Variants in RFTN1 observed in about 807,000 individuals in gnomAD.
The protein encoded by RFTN1 is raftlin, lipid raft linker 1.
In RFTN1, 26 loss-of-function variants were observed where a neutral mutation model predicts 46.5. That is an observed-to-expected ratio of 0.56 (90% confidence interval 0.41 to 0.78). The LOEUF (loss-of-function observed/expected upper bound fraction) is 0.78, where lower values mean the gene tolerates loss of function less well. Among genes scored for constraint, RFTN1 ranks in the 30% least tolerant of loss-of-function variants. The pLI, the probability that RFTN1 is intolerant of heterozygous loss-of-function variation, is 0.00. For synonymous variants in RFTN1, 261 were observed against 284.2 expected (o/e 0.92, Z 0.82); for missense variants, 693 against 718.7 (o/e 0.96, Z 0.41).
intron 2 of RFTN1, 44 bp downstream of exon 2, chr3:16,493,681 G>A (rs1575370127): frequency 1.4e-6 from 2 of 1,427,912 alleles, no homozygotes; most frequent in Non-Finnish European, 9.3e-7. Context: ...GGCCCCTGCT[G>A]GAGACCCCAC....
At chr3:16,485,550 A>C (rs1253315906) in intron 2 of RFTN1, among the ~76,000 whole-genome samples, 1 of 152,246 alleles carries the variant, frequency 6.6e-6, no homozygotes, top group Non-Finnish European at 1.5e-5. Context: ...AGGCACACAC[A>C]CGGTATGATT....
chr3:16,426,279 T>G lies in RFTN1; in HGVS notation c.332+7572A>C, dbSNP rs1457497229. ...GCTACCACCCCCTGTGTATTTCGCT[T>G]AATTATGAAACCTCTTTCTAGAAGC... On this transcript the variant is annotated intron_variant, in intron 3 of 9. Coordinates refer to ENST00000334133, the MANE Select transcript of RFTN1 (RefSeq NM_015150.2). This position sits in a 1 kb window ranked among gnomAD's most constrained non-coding sequence, Gnocchi z 5.9. 2.0e-5 allele frequency among the ~76,000 whole-genome samples: 3 copies of G among 152,200 alleles called. No homozygotes were observed. The highest frequency in any genetic ancestry group is 4.4e-5 in the Non-Finnish European group (3 of 68,030).
In RFTN1 at chr3:16,422,204, A is replaced by G. The variant is rs2075198819; in HGVS notation, c.332+11647T>C. ...TTGAACATTATGTTCTTGAAAACAC[A>G]AGGTGGAAATTCTTCTTAAATTAGT... On this transcript the variant is annotated intron_variant, in intron 3 of 9. Coordinates refer to ENST00000334133, the MANE Select transcript of RFTN1 (RefSeq NM_015150.2). This position sits in a 1 kb window ranked among gnomAD's most constrained non-coding sequence, Gnocchi z 4.6. 6.6e-6 allele frequency among the ~76,000 whole-genome samples: 1 copy of G among 152,266 alleles called. No homozygotes were observed. The highest frequency in any genetic ancestry group is 2.4e-5 in the African/African-American group (1 of 41,472).
intron 2 of RFTN1, among the ~76,000 whole-genome samples, chr3:16,438,580 T>A (rs1341706419): frequency 1.4e-5 from 1 of 71,384 alleles, no homozygotes; most frequent in Admixed American, 2.5e-4. Context: ...GTAAGAACTC[T>A]GTCTCAAAAA....
Position 16,378,070 on chromosome 3 carries a change from G to A in RFTN1, c.474C>T (p.Phe158=), listed in dbSNP as rs147724904. ...IQEAASQGLK[F]VGVIPQYHSS... The stretch of plus-strand genomic sequence containing the variant: ...AATGGTACTGAGGTATAACACCAAC[G>A]AATTTCAGGCCCTGGCTTGCAGCCT... The change falls in exon 5 of 10, where the codon TTC becomes TTT. Residue 158 remains phenylalanine (F), a synonymous_variant. Transcript: ENST00000334133. 92 of 1,611,452 alleles carry A rather than the reference G, an allele frequency of 5.7e-5. No homozygotes were observed. Among genetic ancestry groups the A allele is most frequent in the Middle Eastern group, 3.3e-4 (2 of 6,072 alleles).
rs1056828851 is a variant in RFTN1, at chr3:16,374,342, A to T, written c.826+3376T>A. Among the ~76,000 whole-genome samples the T allele has an allele frequency of 1.3e-5, 2 of 152,320 alleles. No individual in the cohort carries two copies. Among genetic ancestry groups the T allele is most frequent in the African/African-American group, 4.8e-5 (2 of 41,562 alleles). ...TGATGACCGTGGGTGGGAGCTCAAT[A>T]GCTGTTTGTTAATGGACTGAGTAAA... On this transcript the variant is annotated intron_variant, in intron 5 of 9. Coordinates refer to ENST00000334133, the MANE Select transcript of RFTN1 (RefSeq NM_015150.2). This position sits in a 1 kb window ranked among gnomAD's most constrained non-coding sequence, Gnocchi z 5.4.
chr3:16,503,237 G>A (rs2076743637), intron 1 of RFTN1, among the ~76,000 whole-genome samples: 1 of 152,128 alleles, frequency 6.6e-6, no homozygotes, highest in Non-Finnish European at 1.5e-5. Context: ...GTGGACCTCA[G>A]ACCAGCAGCA....
chr3:16,463,589 A>G (rs1394201050), intron 2 of RFTN1, among the ~76,000 whole-genome samples: 2 of 152,168 alleles, frequency 1.3e-5, no homozygotes, highest in African/African-American at 4.8e-5. Context: ...TCCATTAAAA[A>G]TTTATTTTCT....
At chr3:16,492,667 A>G (rs1221362728) in intron 2 of RFTN1, among the ~76,000 whole-genome samples, 2 of 152,206 alleles carry the variant, frequency 1.3e-5, no homozygotes, top group African/African-American at 4.8e-5. Flanking sequence ...TTTTGCTCTC[A>G]AACTCCTGGG....
intron 2 of RFTN1, among the ~76,000 whole-genome samples, chr3:16,444,301 A>G (rs2075687883): frequency 6.6e-6 from 1 of 152,264 alleles, no homozygotes; most frequent in Non-Finnish European, 1.5e-5. Context: ...TACAAACAAT[A>G]TAAAAATTAA....
chr3:16,400,168 G>A lies in RFTN1; in HGVS notation c.441+9207C>T, dbSNP rs977410812. ...GGCCTGCAGGGCTGTATGGGGACCCGACTCACTCTCCAGCCTCACTCCACC... is the reference window on the plus strand; with the variant it reads ...GGCCTGCAGGGCTGTATGGGGACCCAACTCACTCTCCAGCCTCACTCCACC... On this transcript the variant is annotated intron_variant, in intron 4 of 9. Coordinates refer to ENST00000334133, the MANE Select transcript of RFTN1 (RefSeq NM_015150.2). This position sits in a 1 kb window ranked among gnomAD's most constrained non-coding sequence, Gnocchi z 4.5. 9.2e-5 allele frequency among the ~76,000 whole-genome samples: 14 copies of A among 152,092 alleles called. No individual in the cohort carries two copies. Among genetic ancestry groups the A allele is most frequent in the African/African-American group, 3.4e-4 (14 of 41,422 alleles).
In RFTN1 at chr3:16,466,747, T is replaced by C. The variant is rs2076099551; in HGVS notation, c.145+26978A>G. Among the ~76,000 whole-genome samples the C allele has an allele frequency of 6.6e-6, 1 of 152,158 alleles. No individual in the cohort carries two copies. Among genetic ancestry groups the C allele is most frequent in the African/African-American group, 2.4e-5 (1 of 41,424 alleles). ...AAAGCAAGAACTATACTGAGGTAGG[T>C]ATAGACACTCATGTACACAGAGACA... On this transcript the variant is annotated intron_variant, in intron 2 of 9. Coordinates refer to ENST00000334133, the MANE Select transcript of RFTN1 (RefSeq NM_015150.2). This position sits in a 1 kb window ranked among gnomAD's most constrained non-coding sequence, Gnocchi z 5.6.
rs899488237 is a variant in RFTN1, at chr3:16,424,608, G to T, written c.332+9243C>A. Among the ~76,000 whole-genome samples the T allele has an allele frequency of 2.0e-5, 3 of 152,114 alleles. No individual in the cohort carries two copies. The highest frequency in any genetic ancestry group is 4.4e-5 in the Non-Finnish European group (3 of 68,010). Reference sequence around the variant, plus strand: ...CCATTTTAAGTTCCAACTCATGGTCGATGATAGGAAGTGAATGAAATGATG... The same window carrying T: ...CCATTTTAAGTTCCAACTCATGGTCTATGATAGGAAGTGAATGAAATGATG... On this transcript the variant is annotated intron_variant, in intron 3 of 9. Transcript: ENST00000334133. The surrounding 1 kb of genome is among the most constrained non-coding windows in gnomAD (Gnocchi z 4.7).
intron 4 of RFTN1, among the ~76,000 whole-genome samples, chr3:16,379,294 G>A (rs1368795567): frequency 6.6e-6 from 1 of 152,246 alleles, no homozygotes; most frequent in African/African-American, 2.4e-5. Flanking sequence ...TGCGCAACCT[G>A]GAAAACTGCA....
At chr3:16,444,557 C>T (rs978597769) in intron 2 of RFTN1, among the ~76,000 whole-genome samples, 1 of 152,158 alleles carries the variant, frequency 6.6e-6, no homozygotes, top group Admixed American at 6.5e-5. Context: ...CTAGGGCTGG[C>T]GCCTGCCTTG....
intron 3 of RFTN1, among the ~76,000 whole-genome samples, chr3:16,431,801 T>C (rs1188883830): frequency 1.3e-5 from 2 of 152,228 alleles, no homozygotes; most frequent in Non-Finnish European, 2.9e-5. Flanking sequence ...ATAAAAGTAC[T>C]TCTTTATGGA....
chr3:16,370,043 G>C lies in RFTN1; in HGVS notation c.1030+33C>G. 1.3e-6 allele frequency: 2 copies of C among 1,599,200 alleles called. No individual in the cohort carries two copies. The highest frequency in any genetic ancestry group is 1.7e-6 in the Non-Finnish European group (2 of 1,166,450). ...AAGAGTTAGAAGCAGAGTTCACAAA[G>C]GGCCACCCAAGGACTGTGAATTCCA... On this transcript the variant is annotated intron_variant, in intron 6 of 9. Coordinates refer to ENST00000334133, the MANE Select transcript of RFTN1 (RefSeq NM_015150.2). This position sits in a 1 kb window ranked among gnomAD's most constrained non-coding sequence, Gnocchi z 5.5.
chr3:16,396,017 A>C (rs777823174), intron 4 of RFTN1, among the ~76,000 whole-genome samples: 1 of 152,250 alleles, frequency 6.6e-6, no homozygotes, highest in African/African-American at 2.4e-5. Flanking sequence ...ACTAAAGTTA[A>C]TTTCACTCTT....
rs1018241253 is a variant in RFTN1, at chr3:16,499,127, C to G, written c.-8-5250G>C. 6.6e-6 allele frequency among the ~76,000 whole-genome samples: 1 copy of G among 152,118 alleles called. No individual in the cohort carries two copies. The highest frequency in any genetic ancestry group is 2.4e-5 in the African/African-American group (1 of 41,418). On this transcript the variant is annotated intron_variant, in intron 1 of 9. Transcript: ENST00000334133. The surrounding 1 kb of genome is among the most constrained non-coding windows in gnomAD (Gnocchi z 4.9). The stretch of plus-strand genomic sequence containing the variant: ...GCACACAGACATTCAGGGAGTGTCT[C>G]AGTAGAAGGACATCTCTCACATGGG...
Sources: allele counts gnomAD v4.1 joint callset (sites outside exome capture counted in the v4.1 genomes callset), GRCh38; gene constraint gnomAD v4.1.1; non-coding constraint Gnocchi (gnomAD v3.1); transcripts MANE v1.5; gene names NCBI Gene and HGNC (gene_info 2026-07-23, HGNC 2026-07-21).